The following WDR49 variants were observed in gnomAD, a reference collection of about 807,000 sequenced individuals.
WDR49 encodes cilia- and flagella-associated protein 337.
Under a neutral mutation model 119.5 loss-of-function variants are expected in WDR49, and 107 were observed. The observed-to-expected ratio is 0.90, with a 90% CI of 0.77 to 1.05. WDR49 has a LOEUF of 1.05. Ranked by LOEUF, WDR49 falls within the 50% of genes least tolerant of loss-of-function variation. The pLI is 0.00. For synonymous variants in WDR49, 425 were observed against 418.8 expected (o/e 1.01, Z -0.18); for missense variants, 1,240 against 1,220.5 (o/e 1.02, Z -0.24).
At chr3:167,655,771 G>T (rs372483463), upstream of WDR49, among the ~76,000 whole-genome samples, 1 of 152,040 alleles carries the variant, frequency 6.6e-6, no homozygotes, top group East Asian at 1.9e-4. Context: ...GGTGGCAGGC[G>T]CCTGTAATCC....
intron 8 of WDR49, among the ~76,000 whole-genome samples, chr3:167,570,820 G>A (rs1335431430): frequency 1.3e-5 from 2 of 152,034 alleles, no homozygotes; most frequent in Admixed American, 1.3e-4. Context: ...GGTGGATCAC[G>A]AGGTCAGGAG....
In WDR49 at chr3:167,500,291, T is replaced by C. The variant is rs1487342067; in HGVS notation, c.2893A>G (p.Arg965Gly). The C allele has an allele frequency of 6.2e-7, 1 of 1,605,006 alleles. No individual in the cohort carries two copies. The highest frequency in any genetic ancestry group is 2.3e-5 in the East Asian group (1 of 44,214). ...TCCAGGGCTCCAATGTTTAATGACC[T>C]AAATGTACCTTCACAACAGCAGGTT... ...EVIKKSFSTF[R>G]SLNIGALEEL... is the part of the protein sequence containing the mutation. Residue 965 changes from arginine to glycine, a missense_variant, in exon 18 of 19, where the codon AGG becomes GGG. Arg to Gly is a moderately radical substitution (Grantham distance 125, BLOSUM62 -2). Transcript: ENST00000682715.
chr3:167,531,091 G>A (rs747453072), intron 13 of WDR49, 24 bp downstream of exon 13: 1 of 1,595,802 alleles, frequency 6.3e-7, no homozygotes, highest in South Asian at 1.1e-5. Context: ...CCAACTATAT[G>A]TAAAATGTAA....
chr3:167,596,126 C>T (rs1371539198), intron 7 of WDR49, among the ~76,000 whole-genome samples: 4 of 150,178 alleles, frequency 2.7e-5, no homozygotes, highest in East Asian at 2.0e-4. Flanking sequence ...AAAATGCTCA[C>T]CATCACTGGC....
At chr3:167,557,582 C>T (rs1000382671) in intron 9 of WDR49, among the ~76,000 whole-genome samples, 6 of 151,826 alleles carry the variant, frequency 4.0e-5, no homozygotes, top group Non-Finnish European at 8.8e-5. Flanking sequence ...GCTTCAGTTT[C>T]CCCTACTAAA....
At chr3:167,485,309 A>G (rs1276925439) in intron 18 of WDR49, among the ~76,000 whole-genome samples, 1 of 152,146 alleles carries the variant, frequency 6.6e-6, no homozygotes, top group Non-Finnish European at 1.5e-5. Flanking sequence ...ATGGATACCT[A>G]TGTAAAAAAC....
intron 7 of WDR49, among the ~76,000 whole-genome samples, chr3:167,592,743 T>C (rs911843235): frequency 2.0e-5 from 3 of 152,150 alleles, no homozygotes; most frequent in African/African-American, 7.2e-5. Flanking sequence ...AGATGATTTC[T>C]TATTGCTAAT....
chr3:167,584,041 T>C (rs1198569050), intron 7 of WDR49, among the ~76,000 whole-genome samples: 1 of 152,022 alleles, frequency 6.6e-6, no homozygotes. Flanking sequence ...AGGTATAACA[T>C]TAAAGAGCTA....
intron 9 of WDR49, among the ~76,000 whole-genome samples, chr3:167,557,871 A>G (rs906101561): frequency 1.3e-5 from 2 of 152,204 alleles, no homozygotes; most frequent in Non-Finnish European, 2.9e-5. Context: ...GTTAGCTAAC[A>G]TTATTATTAT....
chr3:167,632,026 T>C (rs1314998559), intron 2 of WDR49, among the ~76,000 whole-genome samples: 2 of 152,018 alleles, frequency 1.3e-5, no homozygotes, highest in South Asian at 2.1e-4. Flanking sequence ...ATTTTAAGAG[T>C]AGAGAAAGAA....
At chr3:167,558,392 G>C (rs189302470) in intron 9 of WDR49, among the ~76,000 whole-genome samples, 1 of 152,170 alleles carries the variant, frequency 6.6e-6, no homozygotes, top group East Asian at 1.9e-4. Flanking sequence ...AATTAGATTG[G>C]AAAATGTCAT....
intron 9 of WDR49, among the ~76,000 whole-genome samples, chr3:167,557,021 T>C (rs979389526): frequency 1.3e-5 from 2 of 151,782 alleles, no homozygotes; most frequent in African/African-American, 2.4e-5. Context: ...TGAGACTCCA[T>C]CTCAAACAAA....
At chr3:167,627,966 A>C (rs915977985) in intron 2 of WDR49, among the ~76,000 whole-genome samples, 1 of 152,040 alleles carries the variant, frequency 6.6e-6, no homozygotes, top group East Asian at 1.9e-4. Context: ...TAATTCTTAT[A>C]ATATTTAAAA....
chr3:167,583,941 A>G (rs761431963), intron 7 of WDR49, among the ~76,000 whole-genome samples: 10 of 152,196 alleles, frequency 6.6e-5, no homozygotes, highest in Non-Finnish European at 1.2e-4. Context: ...ACAAGTCACT[A>G]TGAGGAAGAA....
At chr3:167,481,655 T>C (rs13063641) in intron 18 of WDR49, among the ~76,000 whole-genome samples, 76,825 of 151,922 alleles carry the variant, frequency 0.51, 20,023 homozygotes, top group African/African-American at 0.65. Flanking sequence ...TTGGACTTAA[T>C]AGTTTCACAT....
At chr3:167,583,284 T>C (rs1410385794) in intron 7 of WDR49, among the ~76,000 whole-genome samples, 1 of 152,070 alleles carries the variant, frequency 6.6e-6, no homozygotes, top group Non-Finnish European at 1.5e-5. Flanking sequence ...ATATTTATAC[T>C]AACAACTTTA....
intron 7 of WDR49, among the ~76,000 whole-genome samples, chr3:167,578,727 T>A (rs1395093057): frequency 2.0e-5 from 3 of 152,180 alleles, no homozygotes; most frequent in Non-Finnish European, 4.4e-5. Flanking sequence ...TGTGTTCTAA[T>A]CATTACAGGT....
chr3:167,501,868 A>C (rs1262064865), intron 17 of WDR49, among the ~76,000 whole-genome samples: 1 of 151,902 alleles, frequency 6.6e-6, no homozygotes, highest in African/African-American at 2.4e-5. Flanking sequence ...TTAAATACTT[A>C]AGGGAAAGAA....
chr3:167,594,508 A>C (rs1393625161), intron 7 of WDR49, among the ~76,000 whole-genome samples: 1 of 152,200 alleles, frequency 6.6e-6, no homozygotes, highest in African/African-American at 2.4e-5. Flanking sequence ...TCAAGATGTG[A>C]CCTGGCTTTT....
Sources: allele counts gnomAD v4.1 joint callset (sites outside exome capture counted in the v4.1 genomes callset), GRCh38; gene constraint gnomAD v4.1.1; transcripts MANE v1.5; gene names NCBI Gene and HGNC (gene_info 2026-07-23, HGNC 2026-07-21).